The following PLA2G4E variants were observed in gnomAD, a reference collection of about 807,000 sequenced individuals.
The protein encoded by PLA2G4E is cytosolic phospholipase A2 epsilon.
PLA2G4E carries 84 observed loss-of-function variants against 109.1 expected under a neutral mutation model. That is an observed-to-expected ratio of 0.77 (90% confidence interval 0.65 to 0.92). The LOEUF (loss-of-function observed/expected upper bound fraction) is 0.92, where lower values mean the gene tolerates loss of function less well. PLA2G4E is among the 40% of genes least tolerant of loss of function. PLA2G4E has a pLI of 0.00. For synonymous variants in PLA2G4E, 469 were observed against 436.1 expected, an observed-to-expected ratio of 1.08 and a Z score of -0.94; for missense variants, 1,057 against 1,076.6, an observed-to-expected ratio of 0.98 and a Z score of 0.25.
intron 18 of PLA2G4E, among the ~76,000 whole-genome samples, chr15:41,985,217 C>G (rs1566833332): frequency 6.6e-6 from 1 of 152,184 alleles, no homozygotes; most frequent in African/African-American, 2.4e-5. Context: ...AAGGGCCAAA[C>G]AAGATCACAC....
At chr15:42,043,182 C>T (rs936118004) in intron 1 of PLA2G4E, among the ~76,000 whole-genome samples, 7 of 152,126 alleles carry the variant, frequency 4.6e-5, no homozygotes, top group Non-Finnish European at 1.0e-4. Flanking sequence ...CCACCATGCC[C>T]CAGATTCAGA....
rs772241299 is a variant in PLA2G4E at position 41,995,440 on chromosome 15, C to T, written c.1167G>A (p.Met389Ile). The T allele has an allele frequency of 6.8e-6, 11 of 1,613,884 alleles. No homozygotes were observed. Among genetic ancestry groups the T allele is most frequent in the Admixed American group, 3.3e-5 (2 of 59,998 alleles). The change falls in exon 12 of 20, where the codon ATG (methionine) becomes ATA (isoleucine). Residue 389 changes from methionine to isoleucine, a missense_variant. Transcript: ENST00000399518. The stretch of plus-strand genomic sequence containing the variant: ...TCTGCAGCCCCAGCAGGTGGCCATA[C>T]ATGGAGGTCATGGATCTTGTTCCAC...
At chr15:42,035,298 T>A (rs1889189666) in intron 1 of PLA2G4E, among the ~76,000 whole-genome samples, 1 of 152,238 alleles carries the variant, frequency 6.6e-6, no homozygotes, top group Non-Finnish European at 1.5e-5. Flanking sequence ...TCACATACCT[T>A]ACTGCCTTGG....
chr15:42,017,079 G>A (rs1372750154), intron 1 of PLA2G4E, among the ~76,000 whole-genome samples: 1 of 152,202 alleles, frequency 6.6e-6, no homozygotes. Context: ...TTTCTCAGAG[G>A]GCAACTAGAG....
intron 1 of PLA2G4E, among the ~76,000 whole-genome samples, chr15:42,048,250 G>C (rs1480385012): frequency 6.6e-6 from 1 of 152,160 alleles, no homozygotes; most frequent in East Asian, 1.9e-4. Flanking sequence ...TGTGTAGTGA[G>C]CTATGCTACC....
intron 1 of PLA2G4E, among the ~76,000 whole-genome samples, chr15:42,026,715 G>A (rs2068695737): frequency 6.6e-6 from 1 of 152,162 alleles, no homozygotes; most frequent in African/African-American, 2.4e-5. Context: ...GCTCATGCCT[G>A]TAATTCCAGT....
At chr15:42,004,036 C>T (rs548328230) in intron 5 of PLA2G4E, among the ~76,000 whole-genome samples, 4 of 152,224 alleles carry the variant, frequency 2.6e-5, no homozygotes, top group African/African-American at 7.2e-5. Flanking sequence ...TTGGGCTGGG[C>T]GCGGTGGCTC....
At chr15:42,013,098 C>A (rs2068553783) in intron 2 of PLA2G4E, among the ~76,000 whole-genome samples, 1 of 152,148 alleles carries the variant, frequency 6.6e-6, no homozygotes, top group African/African-American at 2.4e-5. Flanking sequence ...GTTAGGGCTG[C>A]CAGGAAACAG....
chr15:42,010,828 A>G (rs2068528473), intron 2 of PLA2G4E, among the ~76,000 whole-genome samples: 1 of 150,470 alleles, frequency 6.6e-6, no homozygotes, highest in Non-Finnish European at 1.5e-5. Context: ...AGGCTCTTTC[A>G]GTTATCGAGG....
chr15:41,989,672 C>T (rs1460356160), intron 14 of PLA2G4E, 120 bp from the exon 15 acceptor site: 34 of 1,352,032 alleles, frequency 2.5e-5, no homozygotes, highest in South Asian at 3.0e-5. Flanking sequence ...ACAGGGAGGC[C>T]GCAGTTCCCC....
chr15:42,007,419 A>T (rs2068487873), intron 3 of PLA2G4E, among the ~76,000 whole-genome samples: 1 of 152,208 alleles, frequency 6.6e-6, no homozygotes, highest in African/African-American at 2.4e-5. Context: ...CACTCTGTGT[A>T]TTCCCCTGCT....
chr15:41,997,068 G>T, intron 11 of PLA2G4E, 56 bp downstream of exon 11: 1 of 1,475,622 alleles, frequency 6.8e-7, no homozygotes. Flanking sequence ...GGCTGGGAGG[G>T]CATGGTGCTG....
At position 41,995,276 on chromosome 15, in the gene PLA2G4E, G is replaced by A. The variant is rs537274098; in HGVS notation, c.1247+84C>T. ...AGGAGTCACTTTGTCTTTGGGTGGC[G>A]GGGAGGAGCTTCACCTGAGACCCCA... On this transcript the variant is annotated intron_variant, in intron 12 of 19. Transcript: ENST00000399518. 3.2e-5 allele frequency: 49 copies of A among 1,518,646 alleles called. No homozygotes were observed. The African/African-American group carries it at 3.3e-4, about 10-fold the overall frequency. 94.1% of individuals were successfully genotyped at this position (1,518,646 alleles called of 1,614,324 possible). A position where few individuals can be genotyped will look rare whatever the true frequency, so the allele number is the denominator to read the frequency against.
At chr15:42,040,943 T>C (rs1055164326) in intron 1 of PLA2G4E, among the ~76,000 whole-genome samples, 2 of 152,214 alleles carry the variant, frequency 1.3e-5, no homozygotes, top group African/African-American at 4.8e-5. Flanking sequence ...AAAAGATTAT[T>C]GCTAATAATT....
intron 4 of PLA2G4E, 83 bp downstream of exon 4, chr15:42,005,907 C>T (rs1368837095): frequency 2.0e-6 from 3 of 1,501,818 alleles, no homozygotes; most frequent in Non-Finnish European, 2.7e-6. Context: ...AGAGAAGACC[C>T]TGGGGAATGG....
At chr15:42,027,593 A>G (rs2068703146) in intron 1 of PLA2G4E, among the ~76,000 whole-genome samples, 1 of 152,222 alleles carries the variant, frequency 6.6e-6, no homozygotes, top group African/African-American at 2.4e-5. Context: ...TCCTGAAAAC[A>G]TAAGCGAGAT....
exon 12 of PLA2G4E, chr15:41,995,362 G>C (rs376317864): frequency 1.2e-6 from 2 of 1,612,916 alleles, no homozygotes; most frequent in Middle Eastern, 3.3e-4. Context: ...CTCCTTACCA[G>C]GTGGCCCCTG....
rs150023152 is a variant in PLA2G4E, at chr15:41,984,348, G to A, written c.2386+88C>T. On this transcript the variant is annotated intron_variant, in intron 19 of 19. Transcript: ENST00000399518. ...GGCTGGAGCTGAGCCAGGCTTCCCC[G>A]TTAGTGCCCTTAGAGACTCTACAGA... The A allele has an allele frequency of 1.3e-5, 18 of 1,386,200 alleles. No individual in the cohort carries two copies. In the Admixed American group the frequency reaches 1.9e-4, roughly 14 times the overall value. The allele number at this position is 1,386,200 out of a possible 1,614,324, so 85.9% of individuals were successfully genotyped here.
At chr15:42,010,821 CT>C (rs1290201591) in intron 2 of PLA2G4E, among the ~76,000 whole-genome samples, 1 of 151,834 alleles carries the variant, frequency 6.6e-6, no homozygotes, top group Non-Finnish European at 1.5e-5. Flanking sequence ...TGGCCCAAGG[CT>C]CTTTCAGTTA....
Sources: allele counts gnomAD v4.1 joint callset (sites outside exome capture counted in the v4.1 genomes callset), GRCh38; gene constraint gnomAD v4.1.1; transcripts MANE v1.5; gene names NCBI Gene and HGNC (gene_info 2026-07-23, HGNC 2026-07-21).